The following RAP1A variants were observed in gnomAD, a reference collection of about 807,000 sequenced individuals.
RAP1A encodes the protein ras-related protein Rap-1A.
Under a neutral mutation model 26.4 loss-of-function variants are expected in RAP1A, and 6 were observed. The ratio of observed to expected loss-of-function variants is 0.23; its 90% CI spans 0.12 to 0.45. The LOEUF (loss-of-function observed/expected upper bound fraction) is 0.45. RAP1A is among the 20% of genes least tolerant of loss of function. The pLI, the probability that RAP1A is intolerant of heterozygous loss-of-function variation, is 0.99. For synonymous variants in RAP1A, 73 were observed against 79.4 expected (o/e 0.92, Z 0.43); for missense variants, 121 against 217.2 (o/e 0.56, Z 2.78).
intron 1 of RAP1A, among the ~76,000 whole-genome samples, chr1:111,600,851 T>C (rs1322693002): frequency 6.6e-6 from 1 of 152,224 alleles, no homozygotes; most frequent in Admixed American, 6.5e-5. Flanking sequence ...TATTTTTTTC[T>C]CTCTTGCTAC....
chr1:111,552,483 G>T (rs577857700), intron 1 of RAP1A, among the ~76,000 whole-genome samples: 1 of 152,148 alleles, frequency 6.6e-6, no homozygotes, highest in Non-Finnish European at 1.5e-5. Context: ...TGGCAAATTT[G>T]TAGTTGCTTT....
chr1:111,650,870 C>T (rs923203217), intron 1 of RAP1A, among the ~76,000 whole-genome samples: 1 of 151,924 alleles, frequency 6.6e-6, no homozygotes, highest in Admixed American at 6.6e-5. Context: ...ATCACTGCAA[C>T]GGCTCACTGC....
intron 1 of RAP1A, chr1:111,648,461 A>G (rs1349388357): frequency 1.8e-6 from 1 of 551,816 alleles, no homozygotes; most frequent in Non-Finnish European, 3.4e-6. Context: ...CTCAGCCTCT[A>G]GTTTGACCTT....
rs1271779771 is a variant in RAP1A at position 111,712,492 on chromosome 1, A to G, written c.*91A>G. The G allele has an allele frequency of 2.6e-5, 4 of 152,664 alleles. No individual in the cohort carries two copies. In the East Asian group the frequency reaches 7.7e-4, roughly 29 times the overall value. 9.5% of individuals were successfully genotyped at this position (152,664 alleles called of 1,614,324 possible). On this transcript the variant is annotated 3_prime_UTR_variant, in exon 8 of 8. Transcript: ENST00000369709. ...TGCCAGCATTCCAGACTTCAAAAAT[A>G]AAAAATCTGAAGAGGCTTCTCCTGT...
intron 1 of RAP1A, among the ~76,000 whole-genome samples, chr1:111,575,444 C>G (rs1319777360): frequency 2.0e-5 from 3 of 152,224 alleles, no homozygotes; most frequent in Non-Finnish European, 2.9e-5. Flanking sequence ...TGGGCCACCA[C>G]ACCCAGCCTG....
intron 1 of RAP1A, among the ~76,000 whole-genome samples, chr1:111,684,076 A>G (rs1348278931): frequency 6.6e-6 from 1 of 152,224 alleles, no homozygotes; most frequent in East Asian, 1.9e-4. Context: ...GATTATCTCA[A>G]TAGATGTGGA....
chr1:111,679,400 C>T (rs942138824), intron 1 of RAP1A, among the ~76,000 whole-genome samples: 1 of 152,224 alleles, frequency 6.6e-6, no homozygotes, highest in Non-Finnish European at 1.5e-5. Flanking sequence ...ACCCGCAGAC[C>T]AGGAGATTCC....
chr1:111,699,243 T>G (rs1661937554), intron 4 of RAP1A, among the ~76,000 whole-genome samples: 1 of 152,156 alleles, frequency 6.6e-6, no homozygotes, highest in South Asian at 2.1e-4. Context: ...TTCTTAGTGA[T>G]TTTACTATCC....
chr1:111,637,343 ATTAT>A (rs1659756422), intron 1 of RAP1A, among the ~76,000 whole-genome samples: 1 of 152,218 alleles, frequency 6.6e-6, no homozygotes, highest in Non-Finnish European at 1.5e-5. Context: ...CCAATTAGAC[ATTAT>A]TTCTCAGCCT....
intron 1 of RAP1A, among the ~76,000 whole-genome samples, chr1:111,553,017 T>C (rs1657332586): frequency 6.6e-6 from 1 of 152,210 alleles, no homozygotes; most frequent in Non-Finnish European, 1.5e-5. Flanking sequence ...AGCTCCACTT[T>C]TGTGGAACTT....
intron 1 of RAP1A, among the ~76,000 whole-genome samples, chr1:111,620,248 C>G (rs1214997882): frequency 6.6e-6 from 1 of 152,242 alleles, no homozygotes; most frequent in African/African-American, 2.4e-5. Flanking sequence ...TTGTGTCCCC[C>G]ACCCTTCAGC....
intron 1 of RAP1A, among the ~76,000 whole-genome samples, chr1:111,614,561 C>T (rs892527403): frequency 6.6e-6 from 1 of 152,002 alleles, no homozygotes; most frequent in African/African-American, 2.4e-5. Context: ...GTAAAAGTGC[C>T]CTAAGTTTGG....
chr1:111,571,455 G>T (rs944878177), intron 1 of RAP1A, among the ~76,000 whole-genome samples: 1 of 152,170 alleles, frequency 6.6e-6, no homozygotes, highest in Non-Finnish European at 1.5e-5. Context: ...ATATCTAGGC[G>T]CTCCAACCTG....
At chr1:111,623,994 CTTAT>C (rs1190424020) in intron 1 of RAP1A, among the ~76,000 whole-genome samples, 3 of 152,200 alleles carry the variant, frequency 2.0e-5, no homozygotes, top group East Asian at 1.9e-4. Flanking sequence ...CTAAAATTCT[CTTAT>C]TTTAGTTGGT....
intron 1 of RAP1A, among the ~76,000 whole-genome samples, chr1:111,640,880 C>CTT (rs1328873752): frequency 6.6e-6 from 1 of 152,104 alleles, no homozygotes; most frequent in Non-Finnish European, 1.5e-5. Context: ...GGGAGGATCG[C>CTT]TTGAGCATGG....
In RAP1A at chr1:111,682,524, G is replaced by A. The variant is rs190289638; in HGVS notation, c.-27-8810G>A. On this transcript the variant is annotated intron_variant, in intron 1 of 7. Coordinates refer to ENST00000369709, the MANE Select transcript of RAP1A (RefSeq NM_002884.4). The stretch of plus-strand genomic sequence containing the variant: ...AAAGCCAAAAAAAAAAAAAAGCGGG[G>A]GTTGCAATCCTAGTCTCTGATAAAA... Among the ~76,000 whole-genome samples, 392 of 151,642 alleles carry A rather than the reference G, an allele frequency of 2.6e-3. 11 individuals are homozygous for A. In the East Asian group the frequency reaches 0.068, roughly 26 times the overall value.
At chr1:111,704,030 T>C (rs1294674683) in intron 5 of RAP1A, among the ~76,000 whole-genome samples, 2 of 152,138 alleles carry the variant, frequency 1.3e-5, no homozygotes, top group Admixed American at 6.6e-5. Context: ...CTCAGGCTCC[T>C]GAGCTCAAGC....
At chr1:111,666,571 A>G (rs1246380965) in intron 1 of RAP1A, among the ~76,000 whole-genome samples, 5 of 152,174 alleles carry the variant, frequency 3.3e-5, no homozygotes, top group Admixed American at 3.3e-4. Flanking sequence ...ACTAATTCTG[A>G]GATTATTATA....
chr1:111,605,158 G>C (rs1017663551), intron 1 of RAP1A, among the ~76,000 whole-genome samples: 1 of 152,152 alleles, frequency 6.6e-6, no homozygotes, highest in Non-Finnish European at 1.5e-5. Flanking sequence ...GGCATGACTG[G>C]TATTCTAAGG....
Sources: gnomAD v4.1 joint callset for allele counts (sites outside exome capture counted in the v4.1 genomes callset) on GRCh38, gnomAD v4.1.1 for gene constraint, MANE v1.5 for transcripts, NCBI Gene and HGNC (gene_info 2026-07-23, HGNC 2026-07-21) for gene names.